The following ADGRA2 variants were observed in gnomAD, a reference collection of about 807,000 sequenced individuals.
ADGRA2 encodes adhesion G protein-coupled receptor A2.
In ADGRA2, 61 loss-of-function variants were observed where a neutral mutation model predicts 98.7. The ratio of observed to expected loss-of-function variants is 0.62; its 90% CI spans 0.50 to 0.76. The LOEUF (loss-of-function observed/expected upper bound fraction) is 0.76, where lower values mean the gene tolerates loss of function less well. Ranked by LOEUF, ADGRA2 falls within the 30% of genes least tolerant of loss-of-function variation. The probability of loss-of-function intolerance (pLI) is 0.00; values close to 1 mark genes in which losing one functional copy is unlikely to be tolerated. For synonymous variants in ADGRA2, 858 were observed against 831.5 expected (o/e 1.03, Z -0.55); for missense variants, 1,712 against 1,860.0 (o/e 0.92, Z 1.46).
intron 1 of ADGRA2, among the ~76,000 whole-genome samples, chr8:37,804,128 C>CACACACACACACACACACAT (rs1804589889): frequency 3.1e-4 from 46 of 149,262 alleles, no homozygotes; most frequent in African/African-American, 1.0e-3. Context: ...CACACACACA[C>CACACACACACACACACACAT]ACACACACAC....
chr8:37,836,419 G>C (rs1393682214), intron 13 of ADGRA2, among the ~76,000 whole-genome samples: 1 of 152,178 alleles, frequency 6.6e-6, no homozygotes, highest in Non-Finnish European at 1.5e-5. Context: ...GACCAGGGCA[G>C]AGGAATAACA....
In ADGRA2 at chr8:37,834,634, C is replaced by G. The variant is rs745940324; in HGVS notation, c.1608+506C>G. Among the ~76,000 whole-genome samples the G allele has an allele frequency of 4.3e-4, 65 of 152,296 alleles. No homozygotes were observed. Among genetic ancestry groups the G allele is most frequent in the Non-Finnish European group, 6.5e-4 (44 of 68,038 alleles). ...CATACTTAAGAGGTGAGCAAGAAGC[C>G]TGTAATCCCAGCACGTTGGGAGGCC... is the stretch of plus-strand genomic sequence containing the variant. On this transcript the variant is annotated intron_variant, in intron 11 of 18. Coordinates refer to ENST00000412232, the MANE Select transcript of ADGRA2 (RefSeq NM_032777.10). The surrounding 1 kb of genome is among the most constrained non-coding windows in gnomAD (Gnocchi z 4.2).
Position 37,829,644 on chromosome 8 carries a change from G to C in ADGRA2, c.554+85G>C, listed in dbSNP as rs1805395037. On this transcript the variant is annotated intron_variant, in intron 5 of 18. Coordinates refer to ENST00000412232, the MANE Select transcript of ADGRA2 (RefSeq NM_032777.10). ...GATGTATAAGTATCATGACCACCAG[G>C]ACTGGTCTCACGAGTGGCCACAGCA... 2.7e-6 allele frequency: 3 copies of C among 1,097,570 alleles called. No homozygotes were observed. In the East Asian group the frequency reaches 7.1e-5, roughly 26 times the overall value. 68.0% of individuals were successfully genotyped at this position (1,097,570 alleles called of 1,614,324 possible). A position where few individuals can be genotyped will look rare whatever the true frequency, so the allele number is the denominator to read the frequency against.
rs1805855755 is a variant in ADGRA2, at chr8:37,842,948, T to G, written c.*593T>G. ...GCCACGTGAAAGGCAGCTCTAGACA[T>G]CAACCAGTCCTGGGGGAGGGGAGTG... is the stretch of plus-strand genomic sequence containing the variant. On this transcript the variant is annotated 3_prime_UTR_variant, in exon 19 of 19. Coordinates refer to ENST00000412232, the MANE Select transcript of ADGRA2 (RefSeq NM_032777.10). 1 of 152,668 alleles carries G rather than the reference T, an allele frequency of 6.6e-6. No homozygotes were observed. The highest frequency in any genetic ancestry group is 1.5e-5 in the Non-Finnish European group (1 of 68,136). The allele number at this position is 152,668 out of a possible 1,614,324, so 9.5% of individuals were successfully genotyped here.
intron 5 of ADGRA2, 145 bp downstream of exon 5, chr8:37,829,704 C>G: frequency 1.0e-6 from 1 of 972,344 alleles, no homozygotes; most frequent in Admixed American, 1.9e-5. Flanking sequence ...ATCACCTTCC[C>G]GCGATGGCCC....
rs1585411826 is a variant in ADGRA2 at position 37,842,059 on chromosome 8, G to A, written c.3721G>A (p.Gly1241Ser). ...LGSSRNSPGA[G>S]LQLEGEPMLT... ...CAGCAGCCGCAACAGCCCGGGCGCC[G>A]GCCTGCAGCTGGAAGGCGAGCCCAT... Residue 1241 changes from glycine (G) to serine (S), a missense_variant, in exon 19 of 19, where the codon GGC (glycine) becomes AGC (serine). Physicochemically the swap from Gly to Ser is moderately conservative, Grantham distance 56 (BLOSUM62 0). Transcript: ENST00000412232. 2.0e-6 allele frequency: 3 copies of A among 1,517,062 alleles called. No homozygotes were observed. Among genetic ancestry groups the A allele is most frequent in the Non-Finnish European group, 2.6e-6 (3 of 1,139,988 alleles). 94.0% of individuals were successfully genotyped at this position (1,517,062 alleles called of 1,614,324 possible). A position where few individuals can be genotyped will look rare whatever the true frequency, so the allele number is the denominator to read the frequency against.
intron 2 of ADGRA2, among the ~76,000 whole-genome samples, chr8:37,815,805 C>T (rs750531370): frequency 2.0e-5 from 3 of 152,154 alleles, no homozygotes; most frequent in Non-Finnish European, 4.4e-5. Context: ...TCACCTGCTC[C>T]GTCGGTACAA....
chr8:37,841,186 T>C lies in ADGRA2; in HGVS notation c.2848T>C (p.Leu950=), dbSNP rs777421125. The change falls in exon 19 of 19, where the codon TTA becomes CTA. Residue 950 remains leucine (L), a synonymous_variant. Coordinates refer to ENST00000412232, the MANE Select transcript of ADGRA2 (RefSeq NM_032777.10). This position sits in a 1 kb window ranked among gnomAD's most constrained non-coding sequence, Gnocchi z 5.0. Reference sequence around the variant, plus strand: ...CTATTTCCTGTGCGCCGGGCTACGCTTACGGGGTCCTCTGGCACAGAACCC... The same window carrying C: ...CTATTTCCTGTGCGCCGGGCTACGCCTACGGGGTCCTCTGGCACAGAACCC... ...WIYFLCAGLR[L]RGPLAQNPKA... 9.9e-6 allele frequency: 16 copies of C among 1,613,444 alleles called. No individual in the cohort carries two copies. The East Asian group carries it at 3.6e-4, about 36-fold the overall frequency.
intron 2 of ADGRA2, among the ~76,000 whole-genome samples, chr8:37,821,786 G>A (rs781345711): frequency 2.6e-5 from 4 of 152,216 alleles, no homozygotes; most frequent in Non-Finnish European, 4.4e-5. Flanking sequence ...TGAGCCCCGG[G>A]GGCTGGTATG....
intron 1 of ADGRA2, among the ~76,000 whole-genome samples, chr8:37,813,659 A>G (rs1804904175): frequency 6.6e-6 from 1 of 152,136 alleles, no homozygotes; most frequent in African/African-American, 2.4e-5. Context: ...AGAAGGAAGG[A>G]AGGAGATGAG....
At chr8:37,812,445 G>A (rs1175572253) in intron 1 of ADGRA2, among the ~76,000 whole-genome samples, 1 of 152,168 alleles carries the variant, frequency 6.6e-6, no homozygotes, top group Admixed American at 6.5e-5. Context: ...GGCTAACACG[G>A]TGAAACCCCG....
intron 13 of ADGRA2, 82 bp downstream of exon 13, chr8:37,835,852 C>A: frequency 1.2e-6 from 1 of 835,316 alleles, no homozygotes; most frequent in South Asian, 1.6e-5. Context: ...CTTCCCTGGC[C>A]CACAGCCCCC....
chr8:37,829,673 A>T (rs1382078122), intron 5 of ADGRA2, 114 bp downstream of exon 5: 2 of 962,570 alleles, frequency 2.1e-6, no homozygotes, highest in East Asian at 2.4e-5. Flanking sequence ...CACAGCAGAC[A>T]GTGCCTGAAA....
chr8:37,839,138 A>G, intron 15 of ADGRA2, 55 bp downstream of exon 15: 1 of 1,595,640 alleles, frequency 6.3e-7, no homozygotes, highest in Non-Finnish European at 8.6e-7. Context: ...AGGGGCCCCT[A>G]CCCTGTCCAC....
At chr8:37,825,154 T>A (rs1162136869) in intron 2 of ADGRA2, among the ~76,000 whole-genome samples, 1 of 152,170 alleles carries the variant, frequency 6.6e-6, no homozygotes, top group Middle Eastern at 3.2e-3. Context: ...AGGACAGGGC[T>A]CTGTGGAAGC....
intron 2 of ADGRA2, among the ~76,000 whole-genome samples, chr8:37,825,787 C>G (rs1417326150): frequency 6.6e-6 from 1 of 152,206 alleles, no homozygotes; most frequent in Non-Finnish European, 1.5e-5. Flanking sequence ...CCAGAGGGAC[C>G]AGGCAGCATC....
chr8:37,842,279 T>C lies in ADGRA2; in HGVS notation c.3941T>C (p.Val1314Ala). 2 of 1,580,388 alleles carry C rather than the reference T, an allele frequency of 1.3e-6. No individual in the cohort carries two copies. Among genetic ancestry groups the C allele is most frequent in the Non-Finnish European group, 1.7e-6 (2 of 1,166,460 alleles). ...GAPKGGKYDD[V>A]TLMGAEVASG... ...CCCAAGGGGGGCAAGTACGACGACG[T>C]CACCCTGATGGGCGCGGAGGTAGCC... The change falls in exon 19 of 19, where the codon GTC becomes GCC. Residue 1314 changes from valine (V) to alanine (A), a missense_variant. Coordinates refer to ENST00000412232, the MANE Select transcript of ADGRA2 (RefSeq NM_032777.10).
chr8:37,820,887 G>T (rs1322472344), intron 2 of ADGRA2, among the ~76,000 whole-genome samples: 2 of 151,868 alleles, frequency 1.3e-5, no homozygotes, highest in Admixed American at 1.3e-4. Flanking sequence ...CGGATGCCCA[G>T]TGGGAATGTG....
chr8:37,810,229 G>A (rs931535130), intron 1 of ADGRA2, among the ~76,000 whole-genome samples: 2 of 150,448 alleles, frequency 1.3e-5, no homozygotes, highest in Non-Finnish European at 3.0e-5. Flanking sequence ...GGTCTCGCTA[G>A]GCTGGGTGAG....
Sources: allele counts gnomAD v4.1 joint callset (sites outside exome capture counted in the v4.1 genomes callset), GRCh38; gene constraint gnomAD v4.1.1; non-coding constraint Gnocchi (gnomAD v3.1); transcripts MANE v1.5; gene names NCBI Gene and HGNC (gene_info 2026-07-23, HGNC 2026-07-21).